The following RUSF1 variants were observed in gnomAD, a reference collection of about 807,000 sequenced individuals.
RUSF1 encodes the protein RUS family member 1, also known as RUS1 family protein C16orf58.
Under a neutral mutation model 63.0 loss-of-function variants are expected in RUSF1, and 58 were observed. The observed-to-expected ratio is 0.92, with a 90% CI of 0.75 to 1.15. The LOEUF is 1.15. RUSF1 is among the 50% of genes most tolerant of loss of function. RUSF1 has a pLI of 0.00. For missense variants in RUSF1, 652 were observed against 611.0 expected, an observed-to-expected ratio of 1.07 and a Z score of -0.71; for synonymous variants, 274 against 255.8, an observed-to-expected ratio of 1.07 and a Z score of -0.68.
rs989302446 is a variant in RUSF1 at position 31,489,715 on chromosome 16, G to A, written c.*1120C>T. ...GCTGATGGTGGCAGGGTGGGGTGAG[G>A]ACAGGACAAGAGATCTGGGTGTGGA... is the stretch of plus-strand genomic sequence containing the variant. On this transcript the variant is annotated 3_prime_UTR_variant, in exon 13 of 13. Coordinates refer to ENST00000327237, the MANE Select transcript of RUSF1 (RefSeq NM_022744.4). 18 of 451,962 alleles carry A rather than the reference G, an allele frequency of 4.0e-5. No individual in the cohort carries two copies. The highest frequency in any genetic ancestry group is 7.4e-5 in the Non-Finnish European group (18 of 243,956). The allele number at this position is 451,962 out of a possible 1,614,324, so 28.0% of individuals were successfully genotyped here. A position where few individuals can be genotyped will look rare whatever the true frequency, so the allele number is the denominator to read the frequency against.
chr16:31,505,907 C>G (rs2082656475), intron 2 of RUSF1, among the ~76,000 whole-genome samples: 1 of 152,198 alleles, frequency 6.6e-6, no homozygotes, highest in Non-Finnish European at 1.5e-5. Context: ...CAGCTGAAGA[C>G]TGACAGCCTG....
chr16:31,507,673 G>A (rs2082667083), intron 2 of RUSF1, 91 bp downstream of exon 2: 1 of 1,192,204 alleles, frequency 8.4e-7, no homozygotes, highest in Non-Finnish European at 1.2e-6. Flanking sequence ...TCTACCTAAT[G>A]GGGCACGAGT....
At chr16:31,497,452 A>T (rs1432533502) in intron 5 of RUSF1, among the ~76,000 whole-genome samples, 1 of 152,128 alleles carries the variant, frequency 6.6e-6, no homozygotes, top group African/African-American at 2.4e-5. Flanking sequence ...CTGGTCACTC[A>T]CAATCATCCC....
chr16:31,490,606 C>A lies in RUSF1; in HGVS notation c.*229G>T. On this transcript the variant is annotated 3_prime_UTR_variant, in exon 13 of 13. Coordinates refer to ENST00000327237, the MANE Select transcript of RUSF1 (RefSeq NM_022744.4). ...GGGGTGAGGAGCCTGCGGTGCTCCC[C>A]AGAAAAGGGGAAGGGGCAGTGGGGT... 7.4e-7 allele frequency: 1 copy of A among 1,351,686 alleles called. No individual in the cohort carries two copies. The highest frequency in any genetic ancestry group is 2.4e-5 in the East Asian group (1 of 41,324). 83.7% of individuals were successfully genotyped at this position (1,351,686 alleles called of 1,614,324 possible).
chr16:31,489,906 G>A lies in RUSF1; in HGVS notation c.*929C>T. The stretch of plus-strand genomic sequence containing the variant: ...GCAAGGCCAACGGCTTTAAACACAA[G>A]CTCAGGGGCTTGGGGTTTATCCCGA... On this transcript the variant is annotated 3_prime_UTR_variant, in exon 13 of 13. Coordinates refer to ENST00000327237, the MANE Select transcript of RUSF1 (RefSeq NM_022744.4). 1 of 679,470 alleles carries A rather than the reference G, an allele frequency of 1.5e-6. No homozygotes were observed. Among genetic ancestry groups the A allele is most frequent in the Non-Finnish European group, 2.6e-6 (1 of 388,780 alleles). The allele number at this position is 679,470 out of a possible 1,614,324, so 42.1% of individuals were successfully genotyped here.
Position 31,490,702 on chromosome 16 carries a change from T to G in RUSF1, c.*133A>C. 1 of 1,170,326 alleles carries G rather than the reference T, an allele frequency of 8.5e-7. No homozygotes were observed. Among genetic ancestry groups the G allele is most frequent in the Non-Finnish European group, 1.3e-6 (1 of 795,806 alleles). The allele number at this position is 1,170,326 out of a possible 1,614,324, so 72.5% of individuals were successfully genotyped here. ...CCCACTGCATCTGATTGGCAGTCACTTCCCATGAGGGCCTGGCCCACCCGC... is the reference window on the plus strand; with the variant it reads ...CCCACTGCATCTGATTGGCAGTCACGTCCCATGAGGGCCTGGCCCACCCGC... On this transcript the variant is annotated 3_prime_UTR_variant, in exon 13 of 13. Coordinates refer to ENST00000327237, the MANE Select transcript of RUSF1 (RefSeq NM_022744.4).
In RUSF1 at chr16:31,500,693, A is replaced by G; in HGVS notation, c.454T>C (p.Trp152Arg). 6.2e-7 allele frequency: 1 copy of G among 1,612,860 alleles called. No homozygotes were observed. Among genetic ancestry groups the G allele is most frequent in the Non-Finnish European group, 8.5e-7 (1 of 1,179,184 alleles). Residue 152 changes from tryptophan (W) to arginine (R), a missense_variant, in exon 3 of 13, where the codon TGG (tryptophan) becomes CGG (arginine). Coordinates refer to ENST00000327237, the MANE Select transcript of RUSF1 (RefSeq NM_022744.4). The part of the protein sequence containing the change: ...GMLGRIVFAW[W>R]KGSKLDCNAK... ...CCGGGAAGACAAACTCACCCTTTCC[A>G]CCAGGCAAAGACGATGCGGCCCAGC...
intron 2 of RUSF1, among the ~76,000 whole-genome samples, chr16:31,501,279 A>G (rs903041246): frequency 6.6e-6 from 1 of 151,944 alleles, no homozygotes; most frequent in African/African-American, 2.4e-5. Context: ...GATGGCTATT[A>G]TGGGATAAAT....
chr16:31,507,901 T>C (rs1253119289), intron 1 of RUSF1, 23 bp from the exon 2 acceptor site: 6 of 1,550,728 alleles, frequency 3.9e-6, no homozygotes, highest in Non-Finnish European at 5.2e-6. Context: ...ACAAGTAGGG[T>C]GAGAAGCGGG....
intron 2 of RUSF1, among the ~76,000 whole-genome samples, chr16:31,506,781 TAC>T (rs2082661263): frequency 6.6e-6 from 1 of 151,738 alleles, no homozygotes; most frequent in African/African-American, 2.4e-5. Flanking sequence ...ACAGTGAGAC[TAC>T]GAGTCTGGAA....
intron 2 of RUSF1, among the ~76,000 whole-genome samples, chr16:31,501,352 C>T (rs992163232): frequency 1.3e-5 from 2 of 152,154 alleles, no homozygotes; most frequent in Middle Eastern, 3.4e-3. Context: ...TTTGGGATTA[C>T]AGGGGGTTTG....
At chr16:31,492,954 G>A (rs1383973426) in intron 10 of RUSF1, 24 bp downstream of exon 10, 3 of 1,596,744 alleles carry the variant, frequency 1.9e-6, no homozygotes, top group Non-Finnish European at 2.6e-6. Flanking sequence ...TGCGTCTTAG[G>A]CTGGGAGAAT....
chr16:31,492,868 C>G, intron 10 of RUSF1, 110 bp downstream of exon 10: 1 of 1,090,092 alleles, frequency 9.2e-7, no homozygotes, highest in East Asian at 2.5e-5. Context: ...TAGAGCAACC[C>G]CCAGAACAGG....
rs185083140 is a variant in RUSF1, at chr16:31,500,283, T to C, written c.461+403A>G. 2.4e-4 allele frequency among the ~76,000 whole-genome samples: 37 copies of C among 152,270 alleles called. 1 individual carries two copies. The East Asian group carries it at 7.2e-3, about 29-fold the overall frequency. On this transcript the variant is annotated intron_variant, in intron 3 of 12. Coordinates refer to ENST00000327237, the MANE Select transcript of RUSF1 (RefSeq NM_022744.4). ...CACACATAACGAGATCCTGAACACA[T>C]GGCCTGGTTGAGGGTTCTGCCCAGT...
In RUSF1 at chr16:31,489,915, CT is replaced by C. The variant is rs1417310809; in HGVS notation, c.*919del. 1.4e-6 allele frequency: 1 copy of C among 719,380 alleles called. No individual in the cohort carries two copies. Among genetic ancestry groups the C allele is most frequent in the African/African-American group, 1.7e-5 (1 of 57,292 alleles). The allele number at this position is 719,380 out of a possible 1,614,324, so 44.6% of individuals were successfully genotyped here. On this transcript the variant is annotated 3_prime_UTR_variant, in exon 13 of 13. Transcript: ENST00000327237. ...ACGGCTTTAAACACAAGCTCAGGGGCTTGGGGTTTATCCCGAGGGCACAGGG... is the reference window on the plus strand; with the variant it reads ...ACGGCTTTAAACACAAGCTCAGGGGCTGGGGTTTATCCCGAGGGCACAGGG...
chr16:31,500,812 G>A lies in RUSF1; in HGVS notation c.416-81C>T, dbSNP rs1353820758. ...CCTGGCAGACCCTGGCACTGAACTG[G>A]CCAATTCACTGAGTCACTGCCTTTG... On this transcript the variant is annotated intron_variant, in intron 2 of 12. Transcript: ENST00000327237. 7 of 1,435,528 alleles carry A rather than the reference G, an allele frequency of 4.9e-6. No individual in the cohort carries two copies. In the Admixed American group the frequency reaches 1.0e-4, roughly 22 times the overall value. The allele number at this position is 1,435,528 out of a possible 1,614,324, so 88.9% of individuals were successfully genotyped here.
In RUSF1 at chr16:31,490,558, A is replaced by G. The variant is rs1449872209; in HGVS notation, c.*277T>C. On this transcript the variant is annotated 3_prime_UTR_variant, in exon 13 of 13. Coordinates refer to ENST00000327237, the MANE Select transcript of RUSF1 (RefSeq NM_022744.4). ...TAAGACCAACTGCGTTGGACACCAT[A>G]AGCCACAGCCTCACAGGAAGTGGGG... 7.0e-6 allele frequency: 11 copies of G among 1,572,958 alleles called. No individual in the cohort carries two copies. The Admixed American group carries it at 1.9e-4, about 28-fold the overall frequency.
chr16:31,505,369 C>A (rs8062314), intron 2 of RUSF1, among the ~76,000 whole-genome samples: 53,987 of 151,812 alleles, frequency 0.36, 11,341 homozygotes, highest in African/African-American at 0.59. Context: ...GTAATCAATA[C>A]TGAGGGAATT....
In RUSF1 at chr16:31,507,864, G is replaced by A. The variant is rs1358467446; in HGVS notation, c.315C>T (p.Ser105=). The change falls in exon 2 of 13, where the codon AGC becomes AGT. Residue 105 remains serine (S), a synonymous_variant. Transcript: ENST00000327237. ...LWDSVQAFAS[S]LSGSLATQAV... is the part of the protein sequence containing the mutation. ...CCTGGGTGGCTAGGGAGCCGGAGAG[G>A]CTGGAAGCAAACGCCTGGAGAAGAA... 2.6e-6 allele frequency: 4 copies of A among 1,563,720 alleles called. No homozygotes were observed. In the East Asian group the frequency reaches 7.2e-5, roughly 28 times the overall value.
Sources: allele counts gnomAD v4.1 joint callset (sites outside exome capture counted in the v4.1 genomes callset), GRCh38; gene constraint gnomAD v4.1.1; transcripts MANE v1.5; gene names NCBI Gene and HGNC (gene_info 2026-07-23, HGNC 2026-07-21).